The following CSMD1 variants were observed in gnomAD, a reference collection of about 807,000 sequenced individuals.
CSMD1 encodes the protein CUB and sushi domain-containing protein 1.
CSMD1 carries 213 observed loss-of-function variants against 417.5 expected under a neutral mutation model. The ratio of observed to expected loss-of-function variants is 0.51; its 90% CI spans 0.46 to 0.57. The LOEUF is 0.57. Among genes scored for constraint, CSMD1 ranks in the 20% least tolerant of loss-of-function variants. The probability of loss-of-function intolerance (pLI) is 0.00; values close to 1 mark genes in which losing one functional copy is unlikely to be tolerated. For synonymous variants in CSMD1, 2,862 were observed against 1,736.8 expected, an observed-to-expected ratio of 1.65 and a Z score of -16.11; for missense variants, 6,923 against 4,529.7, an observed-to-expected ratio of 1.53 and a Z score of -15.17.
chr8:3,158,475 C>T (rs1819674493), intron 38 of CSMD1, among the ~76,000 whole-genome samples: 1 of 151,992 alleles, frequency 6.6e-6, no homozygotes, highest in African/African-American at 2.4e-5. Flanking sequence ...GTTTCTTTAT[C>T]ACAGAACGGA....
intron 54 of CSMD1, among the ~76,000 whole-genome samples, chr8:2,997,378 G>C (rs556657905): frequency 6.6e-6 from 1 of 152,204 alleles, no homozygotes; most frequent in African/African-American, 2.4e-5. Context: ...GGATAAGAGA[G>C]GTTCTTGTCA....
intron 5 of CSMD1, among the ~76,000 whole-genome samples, chr8:3,838,413 G>C (rs925067721): frequency 4.2e-5 from 6 of 143,818 alleles, no homozygotes; most frequent in Non-Finnish European, 5.9e-5. Context: ...TATATAGAGA[G>C]AGACTATATA....
chr8:4,370,781 C>A (rs553308977), intron 3 of CSMD1, among the ~76,000 whole-genome samples: 1 of 152,280 alleles, frequency 6.6e-6, no homozygotes, highest in South Asian at 2.1e-4. Flanking sequence ...TCACAAGATC[C>A]AGTTTGGTTC....
chr8:4,609,547 A>T (rs965884659), intron 2 of CSMD1, among the ~76,000 whole-genome samples: 2 of 152,198 alleles, frequency 1.3e-5, no homozygotes, highest in African/African-American at 4.8e-5. Context: ...ATTGTACTAA[A>T]CACTTTATGT....
intron 10 of CSMD1, among the ~76,000 whole-genome samples, chr8:3,574,404 C>A (rs6998065): frequency 0.027 from 4,087 of 152,196 alleles, 171 homozygotes; most frequent in African/African-American, 0.093. Context: ...CCAAGCCCAG[C>A]TAATTTTTGT....
intron 3 of CSMD1, among the ~76,000 whole-genome samples, chr8:4,245,913 C>T (rs953186582): frequency 9.9e-5 from 15 of 152,084 alleles, no homozygotes; most frequent in African/African-American, 2.9e-4. Flanking sequence ...TTAGCTAAGG[C>T]GTTTTCTCAA....
At chr8:4,804,328 G>GGAAT (rs1798469882) in intron 1 of CSMD1, among the ~76,000 whole-genome samples, 1 of 152,090 alleles carries the variant, frequency 6.6e-6, no homozygotes, top group Non-Finnish European at 1.5e-5. Context: ...CTCATGCTAT[G>GGAAT]GAATGTTCAG....
chr8:3,314,200 A>G (rs909169196), intron 23 of CSMD1, among the ~76,000 whole-genome samples: 5 of 152,168 alleles, frequency 3.3e-5, no homozygotes, highest in African/African-American at 1.2e-4. Flanking sequence ...CAGCACACCA[A>G]CATGGCACAT....
chr8:3,968,500 A>G (rs11997241), intron 5 of CSMD1, among the ~76,000 whole-genome samples: 2,117 of 152,186 alleles, frequency 0.014, 46 homozygotes, highest in African/African-American at 0.048. Context: ...CGGATTCAAA[A>G]TACTTAATAA....
intron 5 of CSMD1, among the ~76,000 whole-genome samples, chr8:3,959,115 T>C (rs1389138556): frequency 2.6e-5 from 4 of 152,214 alleles, no homozygotes; most frequent in Non-Finnish European, 5.9e-5. Flanking sequence ...CTTTCACTTT[T>C]ATATCGCACA....
At chr8:4,693,996 C>T (rs898069791) in intron 1 of CSMD1, among the ~76,000 whole-genome samples, 1 of 152,224 alleles carries the variant, frequency 6.6e-6, no homozygotes. Context: ...GAAAGTCAAT[C>T]TCGGGACCCC....
chr8:4,367,436 G>A (rs146188237), intron 3 of CSMD1, among the ~76,000 whole-genome samples: 212 of 152,226 alleles, frequency 1.4e-3, no homozygotes, highest in African/African-American at 4.8e-3. Flanking sequence ...TTCTGTACCA[G>A]TACCATGATG....
chr8:4,787,344 G>T, intron 1 of CSMD1: 1 of 735,010 alleles, frequency 1.4e-6, no homozygotes, highest in East Asian at 2.6e-5. Flanking sequence ...GGCGACAGCT[G>T]AGGTACTGAA....
chr8:3,820,186 G>C (rs1354771553), intron 5 of CSMD1, among the ~76,000 whole-genome samples: 1 of 152,106 alleles, frequency 6.6e-6, no homozygotes, highest in Non-Finnish European at 1.5e-5. Flanking sequence ...CAAAGTGCTG[G>C]GTGCTATATA....
chr8:4,217,481 G>C (rs1416670810), intron 3 of CSMD1, among the ~76,000 whole-genome samples: 2 of 152,156 alleles, frequency 1.3e-5, no homozygotes, highest in African/African-American at 4.8e-5. Flanking sequence ...ACACAGGTAA[G>C]GGTCACATGA....
At chr8:3,671,707 T>C (rs1436257024) in intron 7 of CSMD1, among the ~76,000 whole-genome samples, 4 of 151,650 alleles carry the variant, frequency 2.6e-5, no homozygotes, top group Admixed American at 1.3e-4. Context: ...CTTCATCTTA[T>C]TCGTGTTGCA....
chr8:4,169,618 G>C (rs889506084), intron 3 of CSMD1, among the ~76,000 whole-genome samples: 4 of 152,094 alleles, frequency 2.6e-5, no homozygotes, highest in Non-Finnish European at 4.4e-5. Flanking sequence ...ATGAGAAAAA[G>C]TGCATCAGTC....
At chr8:3,319,611 CATG>C (rs1427865916) in intron 23 of CSMD1, among the ~76,000 whole-genome samples, 21 of 152,000 alleles carry the variant, frequency 1.4e-4, no homozygotes, top group African/African-American at 4.8e-4. Context: ...TAAAAAGAAA[CATG>C]AGAGTTTCTG....
At chr8:3,710,536 G>A (rs989432227) in intron 6 of CSMD1, among the ~76,000 whole-genome samples, 4 of 152,122 alleles carry the variant, frequency 2.6e-5, no homozygotes, top group African/African-American at 9.7e-5. Context: ...GTGGACAATT[G>A]CCCTTTGGGA....
Sources: gnomAD v4.1 joint callset for allele counts (sites outside exome capture counted in the v4.1 genomes callset) on GRCh38, gnomAD v4.1.1 for gene constraint, MANE v1.5 for transcripts, NCBI Gene and HGNC (gene_info 2026-07-23, HGNC 2026-07-21) for gene names.